MLIP: variants seen among roughly 807,000 people sequenced by gnomAD.
MLIP encodes the protein muscular LMNA-interacting protein.
In MLIP, 79 loss-of-function variants were observed where a neutral mutation model predicts 84.8. The ratio of observed to expected loss-of-function variants is 0.93; its 90% confidence interval spans 0.78 to 1.12. The LOEUF (loss-of-function observed/expected upper bound fraction) is 1.12. Among genes scored for constraint, MLIP ranks in the 50% most tolerant of loss-of-function variants. MLIP has a pLI of 0.00. For synonymous variants in MLIP, 504 were observed against 463.0 expected (o/e 1.09, Z -1.14); for missense variants, 1,257 against 1,160.6 (o/e 1.08, Z -1.21).
In MLIP at chr6:54,136,910, A is replaced by T; in HGVS notation, c.841A>T (p.Thr281Ser). The T allele has an allele frequency of 6.5e-7, 1 of 1,535,156 alleles. No homozygotes were observed. The highest frequency in any genetic ancestry group is 8.7e-7 in the Non-Finnish European group (1 of 1,146,596). The change falls in exon 4 of 14, where the codon ACC becomes TCC. Residue 281 changes from threonine (T) to serine (S), a missense_variant. Transcript: ENST00000502396. ...VEESATYFQTTAHSTPFSASK... is the reference protein window; with the variant it reads ...VEESATYFQTSAHSTPFSASK... ...AGAATCAGCTACGTATTTTCAAACTACCGCTCACTCTACACCCTTTTCTGC... is the reference window on the plus strand; with the variant it reads ...AGAATCAGCTACGTATTTTCAAACTTCCGCTCACTCTACACCCTTTTCTGC...
At chr6:54,036,029 T>C (rs986009796) in intron 1 of MLIP, among the ~76,000 whole-genome samples, 3 of 152,098 alleles carry the variant, frequency 2.0e-5, no homozygotes, top group South Asian at 2.1e-4. Context: ...GTATCAAGTA[T>C]AAGAACTCTT....
At chr6:54,054,098 C>CT (rs923674760) in intron 1 of MLIP, among the ~76,000 whole-genome samples, 18 of 152,008 alleles carry the variant, frequency 1.2e-4, no homozygotes, top group Middle Eastern at 6.8e-3. Flanking sequence ...TACAAGTTTG[C>CT]TTTTTTTTCA....
intron 12 of MLIP, among the ~76,000 whole-genome samples, chr6:54,255,701 A>G (rs536539235): frequency 6.6e-6 from 1 of 152,318 alleles, no homozygotes; most frequent in Non-Finnish European, 1.5e-5. Context: ...AGAAAGGAAG[A>G]ATGGAATATA....
At chr6:54,185,291 A>G (rs1777278003) in intron 9 of MLIP, among the ~76,000 whole-genome samples, 1 of 152,180 alleles carries the variant, frequency 6.6e-6, no homozygotes, top group African/African-American at 2.4e-5. Flanking sequence ...CTAAGGACAA[A>G]TCTGTAATAG....
chr6:54,146,469 G>T lies in MLIP; in HGVS notation c.2218-2587G>T, dbSNP rs553146820. ...GTGAAGGAAGCAATATAATTATGCA[G>T]AAGAGAGCTCTTGGCATGAGCCATG... On this transcript the variant is annotated intron_variant, in intron 4 of 13. Transcript: ENST00000502396. Among the ~76,000 whole-genome samples, 21 of 152,314 alleles carry T rather than the reference G, an allele frequency of 1.4e-4. No homozygotes were observed. The South Asian group carries it at 4.4e-3, about 32-fold the overall frequency.
chr6:54,222,853 C>T (rs1780309878), intron 11 of MLIP, among the ~76,000 whole-genome samples: 1 of 152,020 alleles, frequency 6.6e-6, no homozygotes, highest in South Asian at 2.1e-4. Flanking sequence ...TACAAGTGTT[C>T]TCTTTTTTCC....
At chr6:54,219,426 A>G (rs1780082030) in intron 11 of MLIP, among the ~76,000 whole-genome samples, 1 of 135,976 alleles carries the variant, frequency 7.4e-6, no homozygotes, top group Non-Finnish European at 1.5e-5. Context: ...AGGCAGGGTC[A>G]GGATCACAAG....
At chr6:54,020,342 A>G (rs1763425935) in intron 1 of MLIP, among the ~76,000 whole-genome samples, 1 of 152,240 alleles carries the variant, frequency 6.6e-6, no homozygotes, top group Non-Finnish European at 1.5e-5. Flanking sequence ...ATTCACTTAA[A>G]AAGCACATGC....
intron 1 of MLIP, among the ~76,000 whole-genome samples, chr6:54,081,056 C>A (rs1038945846): frequency 1.3e-5 from 2 of 152,084 alleles, no homozygotes; most frequent in African/African-American, 4.8e-5. Context: ...AAGACTCAAG[C>A]CAAGGGCTGT....
intron 2 of MLIP, 79 bp downstream of exon 2, chr6:54,121,681 A>G: frequency 1.8e-6 from 2 of 1,124,536 alleles, no homozygotes; most frequent in Middle Eastern, 3.0e-4. Context: ...ATTTGTGTAT[A>G]TTTCCTGTGC....
Position 54,120,520 on chromosome 6 carries a change from G to T in MLIP, c.97-927G>T, listed in dbSNP as rs544833686. Among the ~76,000 whole-genome samples, 13 of 152,140 alleles carry T rather than the reference G, an allele frequency of 8.5e-5. No individual in the cohort carries two copies. The East Asian group carries it at 1.6e-3, about 18-fold the overall frequency. On this transcript the variant is annotated intron_variant, in intron 1 of 13. Transcript: ENST00000502396. ...TCCCAAAGTGCTGGGATTACAGGCAGGAGCCACCGCTCCCGGCTGGTTTGT... is the reference window on the plus strand; with the variant it reads ...TCCCAAAGTGCTGGGATTACAGGCATGAGCCACCGCTCCCGGCTGGTTTGT...
In MLIP at chr6:54,117,211, C is replaced by CTTTT. The variant is rs200691416; in HGVS notation, c.97-4217_97-4214dup. The stretch of plus-strand genomic sequence containing the variant: ...GACAAGGATGCCACTCTATTTCTGT[C>CTTTT]TTTTTTTTTTTTTTTTTTTTTTGAG... On this transcript the variant is annotated intron_variant, in intron 1 of 13. Transcript: ENST00000502396. 1.2e-3 allele frequency among the ~76,000 whole-genome samples: 142 copies of CTTTT among 117,812 alleles called. 4 individuals carry two copies. Among genetic ancestry groups the CTTTT allele is most frequent in the African/African-American group, 3.6e-3 (116 of 31,830 alleles). The allele number at this position is 117,812 out of a possible 152,430, so 77.3% of individuals were successfully genotyped here. A position where few individuals can be genotyped will look rare whatever the true frequency, so the allele number is the denominator to read the frequency against.
chr6:54,257,552 G>A (rs1395799684), intron 13 of MLIP, among the ~76,000 whole-genome samples, 191 bp downstream of exon 13: 2 of 152,064 alleles, frequency 1.3e-5, no homozygotes, highest in Non-Finnish European at 2.9e-5. Context: ...GCCTCTCAAT[G>A]TAGAAGGTAG....
At chr6:54,027,374 TACAC>T (rs70980886) in intron 1 of MLIP, among the ~76,000 whole-genome samples, 4,048 of 148,504 alleles carry the variant, frequency 0.027, 171 homozygotes, top group African/African-American at 0.088. Flanking sequence ...ATAAAAAAAA[TACAC>T]ACACACACAC....
intron 1 of MLIP, among the ~76,000 whole-genome samples, chr6:54,071,417 C>T (rs1766479703): frequency 1.3e-5 from 2 of 152,016 alleles, no homozygotes; most frequent in Admixed American, 6.6e-5. Context: ...AATTATTTCT[C>T]TATTTTTTTA....
At chr6:54,187,179 A>G (rs1056203646) in intron 9 of MLIP, among the ~76,000 whole-genome samples, 1 of 152,314 alleles carries the variant, frequency 6.6e-6, no homozygotes, top group Non-Finnish European at 1.5e-5. Flanking sequence ...ATGAGGCAAT[A>G]AAATGGTAAC....
chr6:54,021,663 C>G (rs1391430040), intron 1 of MLIP, among the ~76,000 whole-genome samples: 4 of 152,138 alleles, frequency 2.6e-5, no homozygotes, highest in African/African-American at 7.2e-5. Flanking sequence ...GATTTTTGCC[C>G]TGAGTTTATT....
At chr6:54,087,370 A>G (rs546591502) in intron 1 of MLIP, among the ~76,000 whole-genome samples, 2 of 152,326 alleles carry the variant, frequency 1.3e-5, no homozygotes, top group East Asian at 3.9e-4. Context: ...GTCTTTATCT[A>G]TTAATGAGTC....
intron 12 of MLIP, among the ~76,000 whole-genome samples, chr6:54,236,472 C>A (rs1781367910): frequency 1.3e-5 from 2 of 152,094 alleles, no homozygotes; most frequent in South Asian, 4.1e-4. Context: ...TGTGGTGTGG[C>A]ACACCTGTAA....
Sources: gnomAD v4.1 joint callset for allele counts (sites outside exome capture counted in the v4.1 genomes callset) on GRCh38, gnomAD v4.1.1 for gene constraint, MANE v1.5 for transcripts, NCBI Gene and HGNC (gene_info 2026-07-23, HGNC 2026-07-21) for gene names.